OPCML: variants seen among roughly 807,000 people sequenced by gnomAD.
OPCML encodes opioid-binding protein/cell adhesion molecule.
In OPCML, 13 loss-of-function variants were observed where a neutral mutation model predicts 37.8. The observed-to-expected ratio is 0.34, with a 90% CI of 0.22 to 0.55. The LOEUF is 0.55. Ranked by LOEUF, OPCML falls within the 20% of genes least tolerant of loss-of-function variation. The probability of loss-of-function intolerance (pLI) is 0.91; values close to 1 mark genes in which losing one functional copy is unlikely to be tolerated. For synonymous variants in OPCML, 176 were observed against 168.8 expected (o/e 1.04, Z -0.33); for missense variants, 341 against 435.6 (o/e 0.78, Z 1.93).
chr11:132,433,334 A>G (rs1042243623), intron 7 of OPCML, among the ~76,000 whole-genome samples: 2 of 152,162 alleles, frequency 1.3e-5, no homozygotes, highest in African/African-American at 4.8e-5. Flanking sequence ...ACAGGTCAGA[A>G]AATATCACCC....
intron 1 of OPCML, among the ~76,000 whole-genome samples, chr11:133,502,942 A>C (rs1947947713): frequency 6.6e-6 from 1 of 152,126 alleles, no homozygotes; most frequent in South Asian, 2.1e-4. Flanking sequence ...TTTCAGTTTT[A>C]AAATCAGGAC....
At chr11:133,219,987 C>T (rs1471297302) in intron 1 of OPCML, among the ~76,000 whole-genome samples, 42 of 152,190 alleles carry the variant, frequency 2.8e-4, no homozygotes, top group Admixed American at 2.4e-3. Context: ...GTTGCAGTAA[C>T]ATCTTTTCTA....
At chr11:133,367,646 G>A (rs939650378) in intron 1 of OPCML, among the ~76,000 whole-genome samples, 2 of 152,194 alleles carry the variant, frequency 1.3e-5, no homozygotes, top group Admixed American at 6.5e-5. Context: ...TTCCAATTTA[G>A]CATCTAATAA....
chr11:133,406,046 C>T (rs1157551292), intron 1 of OPCML, among the ~76,000 whole-genome samples: 2 of 152,140 alleles, frequency 1.3e-5, no homozygotes, highest in African/African-American at 2.4e-5. Flanking sequence ...TCAGTCGGTC[C>T]ACTGGGTACG....
intron 2 of OPCML, among the ~76,000 whole-genome samples, chr11:132,763,576 C>T (rs1946337579): frequency 6.6e-6 from 1 of 152,140 alleles, no homozygotes; most frequent in African/African-American, 2.4e-5. Flanking sequence ...CAGGGAGATA[C>T]TATTAGTGAT....
intron 1 of OPCML, among the ~76,000 whole-genome samples, chr11:133,223,316 G>C (rs1939912387): frequency 6.6e-6 from 1 of 152,236 alleles, no homozygotes; most frequent in South Asian, 2.1e-4. Context: ...CAAAGGAGAG[G>C]AACAGGACAG....
At chr11:133,483,761 G>A (rs1947444443) in intron 1 of OPCML, among the ~76,000 whole-genome samples, 1 of 140,568 alleles carries the variant, frequency 7.1e-6, no homozygotes, top group Non-Finnish European at 1.5e-5. Context: ...TTCATAGAGA[G>A]AAAAAGAGAT....
chr11:132,826,537 A>C (rs1011088039), intron 2 of OPCML, among the ~76,000 whole-genome samples: 1 of 152,174 alleles, frequency 6.6e-6, no homozygotes, highest in South Asian at 2.1e-4. Flanking sequence ...ACACTCCAAC[A>C]GCCATGTGAC....
chr11:133,369,718 ACACT>A (rs879539814), intron 1 of OPCML, among the ~76,000 whole-genome samples: 1 of 152,130 alleles, frequency 6.6e-6, no homozygotes, highest in Non-Finnish European at 1.5e-5. Flanking sequence ...ACATACACAC[ACACT>A]CACACACATA....
chr11:133,081,706 A>G (rs911708915), intron 1 of OPCML, among the ~76,000 whole-genome samples: 1 of 152,030 alleles, frequency 6.6e-6, no homozygotes, highest in Non-Finnish European at 1.5e-5. Context: ...CCCCAGGGGG[A>G]GGCTTTGTGG....
At position 133,373,446 on chromosome 11, in the gene OPCML, T is replaced by TATATATATATATATATATATATATAC. The variant is rs1482064315; in HGVS notation, c.61+158817_61+158818insGTATATATATATATATATATATATAT. Among the ~76,000 whole-genome samples, 20 of 133,312 alleles carry TATATATATATATATATATATATATAC rather than the reference T, an allele frequency of 1.5e-4. 1 individual carries two copies. The highest frequency in any genetic ancestry group is 2.7e-4 in the Non-Finnish European group (17 of 63,624). 87.5% of individuals were successfully genotyped at this position (133,312 alleles called of 152,430 possible). A position where few individuals can be genotyped will look rare whatever the true frequency, so the allele number is the denominator to read the frequency against. On this transcript the variant is annotated intron_variant, in intron 1 of 7. Transcript: ENST00000524381. ...TAAAATATATATATATATATATATA[T>TATATATATATATATATATATATATAC]ATACACACACACACACAAAAATACA...
chr11:133,011,736 G>C (rs1047792424), intron 1 of OPCML, among the ~76,000 whole-genome samples: 4 of 152,182 alleles, frequency 2.6e-5, no homozygotes, highest in Admixed American at 2.0e-4. Context: ...GGAGCCATTG[G>C]TTATAGTCCA....
chr11:133,506,837 T>A (rs536787440), intron 1 of OPCML, among the ~76,000 whole-genome samples: 1 of 152,338 alleles, frequency 6.6e-6, no homozygotes, highest in South Asian at 2.1e-4. Context: ...GAGAACGCAC[T>A]CGGTGCACGC....
chr11:132,632,734 A>G (rs1255677693), intron 3 of OPCML, among the ~76,000 whole-genome samples: 1 of 152,074 alleles, frequency 6.6e-6, no homozygotes, highest in Non-Finnish European at 1.5e-5. Context: ...ATTCTGTCAT[A>G]TCCGCCTTTC....
chr11:133,191,504 GGTGTGTGTGTGT>G (rs56143154), intron 1 of OPCML, among the ~76,000 whole-genome samples: 1 of 142,360 alleles, frequency 7.0e-6, no homozygotes, highest in Admixed American at 7.0e-5. Flanking sequence ...TGTGTGTGTG[GGTGTGTGTGTGT>G]GTGTGTGTGT....
intron 1 of OPCML, among the ~76,000 whole-genome samples, chr11:133,434,032 A>G (rs1239280825): frequency 6.6e-6 from 1 of 152,162 alleles, no homozygotes; most frequent in Admixed American, 6.5e-5. Context: ...AAAATACTTT[A>G]AATATATTTT....
intron 2 of OPCML, among the ~76,000 whole-genome samples, chr11:132,719,502 A>G (rs1483227802): frequency 1.3e-5 from 2 of 152,290 alleles, no homozygotes; most frequent in South Asian, 2.1e-4. Flanking sequence ...ATGTGGTCGC[A>G]GGCAGGCCTC....
intron 1 of OPCML, among the ~76,000 whole-genome samples, chr11:132,945,135 T>C (rs965642320): frequency 3.9e-5 from 6 of 152,228 alleles, no homozygotes; most frequent in Admixed American, 3.9e-4. Context: ...TACTTATCAC[T>C]AATTATATCA....
At chr11:133,047,444 C>G (rs2136958445) in intron 1 of OPCML, among the ~76,000 whole-genome samples, 1 of 152,318 alleles carries the variant, frequency 6.6e-6, no homozygotes, top group Admixed American at 6.5e-5. Context: ...CAATAATTGT[C>G]CTATTAAACT....
Sources: allele counts gnomAD v4.1 joint callset (sites outside exome capture counted in the v4.1 genomes callset), GRCh38; gene constraint gnomAD v4.1.1; transcripts MANE v1.5; gene names NCBI Gene and HGNC (gene_info 2026-07-23, HGNC 2026-07-21).